UTRN: variants seen among roughly 807,000 people sequenced by gnomAD.
UTRN encodes utrophin.
Under a neutral mutation model 463.9 loss-of-function variants are expected in UTRN, and 283 were observed. The observed-to-expected ratio is 0.61, with a 90% CI of 0.55 to 0.67. The LOEUF is 0.67. UTRN is among the 30% of genes least tolerant of loss of function. UTRN has a pLI of 0.00. For missense variants in UTRN, 3,922 were observed against 4,084.3 expected (o/e 0.96, Z 1.08); for synonymous variants, 1,442 against 1,431.5 (o/e 1.01, Z -0.17).
At chr6:144,358,748 ATTC>A (rs1336321634) in intron 2 of UTRN, among the ~76,000 whole-genome samples, 15 of 152,276 alleles carry the variant, frequency 9.9e-5, no homozygotes, top group East Asian at 3.9e-4. Context: ...AGATTCCAGT[ATTC>A]TTATCTTCAT....
intron 51 of UTRN, among the ~76,000 whole-genome samples, chr6:144,621,615 G>A (rs1775388677): frequency 6.6e-6 from 1 of 152,154 alleles, no homozygotes; most frequent in Non-Finnish European, 1.5e-5. Context: ...AATAACATAT[G>A]TAGCCTGTGT....
rs117347031 is a variant in UTRN at position 144,775,605 on chromosome 6, G to A, written c.8632+1241G>A. Among the ~76,000 whole-genome samples the A allele has an allele frequency of 1.4e-4, 22 of 152,284 alleles. No individual in the cohort carries two copies. In the South Asian group the frequency reaches 2.7e-3, roughly 19 times the overall value. On this transcript the variant is annotated intron_variant, in intron 60 of 74. Coordinates refer to ENST00000367545, the MANE Select transcript of UTRN (RefSeq NM_007124.3). ...CACACAAAAGGGATGTTTGGTCTGC[G>A]CAGGAGTCCATGGTGACAGCAGTTT...
chr6:144,501,065 T>C (rs1210495248), intron 34 of UTRN, among the ~76,000 whole-genome samples: 1 of 152,174 alleles, frequency 6.6e-6, no homozygotes, highest in Non-Finnish European at 1.5e-5. Flanking sequence ...CTTTGAATGC[T>C]CTGTGGAGAT....
At position 144,516,447 on chromosome 6, in the gene UTRN, T is replaced by A. The variant is rs1795615560; in HGVS notation, c.5403+60T>A. ...TCATTTTTCTTCTCTATTAATTTCA[T>A]TTTTACATCAAGATGTTTGCCCATA... On this transcript the variant is annotated intron_variant, in intron 38 of 74. Coordinates refer to ENST00000367545, the MANE Select transcript of UTRN (RefSeq NM_007124.3). 18 of 1,525,610 alleles carry A rather than the reference T, an allele frequency of 1.2e-5. No homozygotes were observed. In the South Asian group the frequency reaches 2.2e-4, roughly 19 times the overall value. 94.5% of individuals were successfully genotyped at this position (1,525,610 alleles called of 1,614,324 possible). A position where few individuals can be genotyped will look rare whatever the true frequency, so the allele number is the denominator to read the frequency against.
At chr6:144,360,776 G>C (rs932245860) in intron 2 of UTRN, among the ~76,000 whole-genome samples, 2 of 152,144 alleles carry the variant, frequency 1.3e-5, no homozygotes, top group Non-Finnish European at 1.5e-5. Flanking sequence ...TTCCCAGTTG[G>C]GTTGTGATCG....
intron 30 of UTRN, among the ~76,000 whole-genome samples, chr6:144,489,677 A>G (rs1323568955): frequency 2.0e-5 from 3 of 152,092 alleles, no homozygotes; most frequent in Non-Finnish European, 4.4e-5. Context: ...GCTAGAGTGC[A>G]GTGGCGCGAT....
At chr6:144,498,079 C>T (rs1793830264) in intron 33 of UTRN, among the ~76,000 whole-genome samples, 1 of 152,128 alleles carries the variant, frequency 6.6e-6, no homozygotes, top group Non-Finnish European at 1.5e-5. Context: ...AGTGCAGTTA[C>T]CTGTTTTGGA....
intron 71 of UTRN, among the ~76,000 whole-genome samples, chr6:144,838,581 G>C (rs1156944750): frequency 6.6e-6 from 1 of 152,156 alleles, no homozygotes; most frequent in Non-Finnish European, 1.5e-5. Flanking sequence ...GTGTCAGGCT[G>C]TTCTAACCAT....
chr6:144,726,902 A>G (rs958485050), intron 53 of UTRN, among the ~76,000 whole-genome samples: 7 of 152,238 alleles, frequency 4.6e-5, no homozygotes, highest in African/African-American at 1.7e-4. Context: ...GGTTTTCCAA[A>G]GTATCCTTTC....
chr6:144,530,276 C>A (rs1796924825), intron 41 of UTRN, among the ~76,000 whole-genome samples: 2 of 152,208 alleles, frequency 1.3e-5, no homozygotes, highest in Admixed American at 1.3e-4. Flanking sequence ...CACCTTCTTG[C>A]TGTGTCCTCA....
At chr6:144,665,414 T>G (rs547298051) in intron 51 of UTRN, among the ~76,000 whole-genome samples, 1 of 152,206 alleles carries the variant, frequency 6.6e-6, no homozygotes, top group African/African-American at 2.4e-5. Flanking sequence ...TTATAATGTT[T>G]TATAATCAAG....
At chr6:144,460,348 G>A (rs1789289177) in intron 21 of UTRN, among the ~76,000 whole-genome samples, 1 of 152,214 alleles carries the variant, frequency 6.6e-6, no homozygotes, top group African/African-American at 2.4e-5. Context: ...AATGCATTGA[G>A]CATTGTGTGA....
intron 3 of UTRN, among the ~76,000 whole-genome samples, chr6:144,412,465 G>A (rs1380307861): frequency 6.6e-6 from 1 of 152,126 alleles, no homozygotes; most frequent in Admixed American, 6.5e-5. Context: ...TTGTGTCAGT[G>A]TTGAAATTGG....
intron 51 of UTRN, among the ~76,000 whole-genome samples, chr6:144,646,341 A>C (rs1778299194): frequency 2.0e-5 from 3 of 152,166 alleles, no homozygotes; most frequent in Non-Finnish European, 4.4e-5. Context: ...TGTGCATGTT[A>C]AGTTCCTTTC....
At chr6:144,690,171 G>A (rs1474300371) in intron 52 of UTRN, among the ~76,000 whole-genome samples, 1 of 140,616 alleles carries the variant, frequency 7.1e-6, no homozygotes. Context: ...CCAGGAGGGA[G>A]GTGGGTCAGG....
chr6:144,458,668 T>C, intron 19 of UTRN, 102 bp from the exon 20 acceptor site: 2 of 1,363,770 alleles, frequency 1.5e-6, no homozygotes, highest in Non-Finnish European at 2.0e-6. Context: ...GATCATTATG[T>C]GTGACATTGC....
chr6:144,832,861 C>A (rs761287789), intron 69 of UTRN, among the ~76,000 whole-genome samples: 1 of 152,038 alleles, frequency 6.6e-6, no homozygotes, highest in South Asian at 2.1e-4. Flanking sequence ...ACTCTGTCGC[C>A]CAGGCTGGAG....
At chr6:144,552,488 A>AT in intron 48 of UTRN, among the ~76,000 whole-genome samples, 1 of 151,876 alleles carries the variant, frequency 6.6e-6, no homozygotes, top group East Asian at 1.9e-4. Flanking sequence ...TTTAATTATT[A>AT]TTTTTTCCAT....
chr6:144,423,644 G>A lies in UTRN; in HGVS notation c.312+18G>A, dbSNP rs764757913. On this transcript the variant is annotated intron_variant, in intron 5 of 74. Coordinates refer to ENST00000367545, the MANE Select transcript of UTRN (RefSeq NM_007124.3). ...AGAACAATGTAAGTGTGTAATGTGA[G>A]TTCTGGGGGTCTGTGCTGCCATCAG... 16 of 1,613,618 alleles carry A rather than the reference G, an allele frequency of 9.9e-6. No individual in the cohort carries two copies. Among genetic ancestry groups the A allele is most frequent in the Non-Finnish European group, 1.4e-5 (16 of 1,179,484 alleles).
Sources: allele counts gnomAD v4.1 joint callset (sites outside exome capture counted in the v4.1 genomes callset), GRCh38; gene constraint gnomAD v4.1.1; transcripts MANE v1.5; gene names NCBI Gene and HGNC (gene_info 2026-07-23, HGNC 2026-07-21).